GPC5: variants seen among roughly 807,000 people sequenced by gnomAD.
The protein encoded by GPC5 is glypican 5, also known as glypican-5.
In GPC5, 47 loss-of-function variants were observed where a neutral mutation model predicts 53.9. That is an observed-to-expected ratio of 0.87 (90% confidence interval 0.69 to 1.11). The LOEUF (loss-of-function observed/expected upper bound fraction) is 1.11. Ranked by LOEUF, GPC5 falls within the 50% of genes most tolerant of loss-of-function variation. GPC5 has a pLI of 0.00. For synonymous variants in GPC5, 286 were observed against 263.3 expected, an observed-to-expected ratio of 1.09 and a Z score of -0.84; for missense variants, 748 against 713.1, an observed-to-expected ratio of 1.05 and a Z score of -0.56.
intron 7 of GPC5, among the ~76,000 whole-genome samples, chr13:92,456,766 C>T (rs1170289180): frequency 1.3e-5 from 2 of 152,174 alleles, no homozygotes; most frequent in Non-Finnish European, 2.9e-5. Context: ...ATTCTCTCCT[C>T]ACCCTCACAG....
intron 7 of GPC5, among the ~76,000 whole-genome samples, chr13:92,409,547 G>A (rs568740598): frequency 6.6e-6 from 1 of 152,100 alleles, no homozygotes; most frequent in South Asian, 2.1e-4. Context: ...ATTAATATCT[G>A]TTGTGAATGA....
At chr13:92,852,852 G>C (rs1878861155) in intron 7 of GPC5, among the ~76,000 whole-genome samples, 1 of 152,150 alleles carries the variant, frequency 6.6e-6, no homozygotes, top group African/African-American at 2.4e-5. Context: ...AATATACAGA[G>C]TCACCTGGAC....
rs553061599 is a variant in GPC5 at position 92,182,724 on chromosome 13, C to T, written c.1561+37735C>T. Among the ~76,000 whole-genome samples the T allele has an allele frequency of 5.3e-5, 8 of 152,178 alleles. No individual in the cohort carries two copies. The East Asian group carries it at 1.4e-3, about 26-fold the overall frequency. ...TACTACAAATACAAAAAAAAATTAG[C>T]CGGGCGCGGTGGTGGGCGCCTGCAG... On this transcript the variant is annotated intron_variant, in intron 7 of 7. Coordinates refer to ENST00000377067, the MANE Select transcript of GPC5 (RefSeq NM_004466.6).
At chr13:92,529,944 C>T (rs187353403) in intron 7 of GPC5, among the ~76,000 whole-genome samples, 34 of 152,086 alleles carry the variant, frequency 2.2e-4, no homozygotes, top group Middle Eastern at 6.8e-3. Context: ...ATTAGCCCAG[C>T]GTGGTAGTGC....
chr13:92,276,444 A>G (rs1018603537), intron 7 of GPC5, among the ~76,000 whole-genome samples: 1 of 152,090 alleles, frequency 6.6e-6, no homozygotes. Flanking sequence ...CGAGACTATT[A>G]TTCTTTGAGG....
Position 92,483,531 on chromosome 13 carries a change from G to A in GPC5, c.1561+338542G>A, listed in dbSNP as rs145835456. On this transcript the variant is annotated intron_variant, in intron 7 of 7. Coordinates refer to ENST00000377067, the MANE Select transcript of GPC5 (RefSeq NM_004466.6). ...AGTTACTGTGGGTGAGTCAGTGAGT[G>A]GTGAGTGAATGTGAAGGCCGAGAAA... Among the ~76,000 whole-genome samples, 700 of 152,242 alleles carry A rather than the reference G, an allele frequency of 4.6e-3. 7 individuals are homozygous for A. The highest frequency in any genetic ancestry group is 0.016 in the African/African-American group (663 of 41,532).
chr13:91,625,778 C>A (rs2033982862), intron 2 of GPC5, among the ~76,000 whole-genome samples: 1 of 152,006 alleles, frequency 6.6e-6, no homozygotes, highest in Non-Finnish European at 1.5e-5. Context: ...ACTGTACATC[C>A]TTTATATATA....
chr13:92,572,879 CAAAATG>C (rs1254828983), intron 7 of GPC5, among the ~76,000 whole-genome samples: 1 of 152,102 alleles, frequency 6.6e-6, no homozygotes, highest in Non-Finnish European at 1.5e-5. Context: ...AAACAAAAAA[CAAAATG>C]GTAATTGCCT....
Position 91,423,780 on chromosome 13 carries a change from C to G in GPC5, c.163+24571C>G, listed in dbSNP as rs1594069442. Among the ~76,000 whole-genome samples, 3 of 152,100 alleles carry G rather than the reference C, an allele frequency of 2.0e-5. No individual in the cohort carries two copies. In the East Asian group the frequency reaches 5.8e-4, roughly 29 times the overall value. ...TGAGGTTAGAGATATGTTAATTAAC[C>G]TGATTTAATTATTCCACAATGTATA... On this transcript the variant is annotated intron_variant, in intron 1 of 7. Coordinates refer to ENST00000377067, the MANE Select transcript of GPC5 (RefSeq NM_004466.6).
At chr13:92,616,779 T>G (rs1012233462) in intron 7 of GPC5, among the ~76,000 whole-genome samples, 1 of 152,272 alleles carries the variant, frequency 6.6e-6, no homozygotes, top group African/African-American at 2.4e-5. Flanking sequence ...ACTTCATGTA[T>G]GAAATAATAG....
chr13:91,417,384 C>T (rs7335640), intron 1 of GPC5, among the ~76,000 whole-genome samples: 11,557 of 152,068 alleles, frequency 0.076, 1,414 homozygotes, highest in African/African-American at 0.26. Flanking sequence ...AGATGGAACT[C>T]GAGATAACAC....
At chr13:92,457,749 A>T (rs751081572) in intron 7 of GPC5, among the ~76,000 whole-genome samples, 2 of 152,086 alleles carry the variant, frequency 1.3e-5, no homozygotes, top group Non-Finnish European at 2.9e-5. Flanking sequence ...ACACTTTTTA[A>T]TATTTTTGTA....
intron 2 of GPC5, among the ~76,000 whole-genome samples, chr13:91,649,318 C>A (rs1323182992): frequency 6.6e-6 from 1 of 152,152 alleles, no homozygotes. Context: ...CTGTTCTGTA[C>A]CATCCTCTAC....
At chr13:91,514,938 G>A (rs1171845234) in intron 2 of GPC5, among the ~76,000 whole-genome samples, 1 of 152,056 alleles carries the variant, frequency 6.6e-6, no homozygotes, top group Non-Finnish European at 1.5e-5. Context: ...CTTTATATCT[G>A]CGCTATTTAA....
chr13:91,523,165 T>C (rs1256610218), intron 2 of GPC5, among the ~76,000 whole-genome samples: 1 of 152,188 alleles, frequency 6.6e-6, no homozygotes, highest in African/African-American at 2.4e-5. Flanking sequence ...GGTATGGTCA[T>C]TTTGGAAAGC....
intron 7 of GPC5, among the ~76,000 whole-genome samples, chr13:92,838,525 T>C (rs766654367): frequency 1.1e-4 from 17 of 150,738 alleles, no homozygotes; most frequent in South Asian, 2.1e-4. Context: ...AAACCTACTC[T>C]ATAGAAAATA....
At chr13:92,718,912 A>G (rs564800630) in intron 7 of GPC5, among the ~76,000 whole-genome samples, 87 of 148,294 alleles carry the variant, frequency 5.9e-4, no homozygotes, top group Middle Eastern at 3.4e-3. Context: ...AAAAAAAAAA[A>G]TTGTTAAAAA....
rs1231633740 is a variant in GPC5, at chr13:91,573,970, C to T, written c.326-119217C>T. ...TTTCTAGTTTGTCACTACATCCTGC[C>T]ACTTGGTTTATTATCTCTAGTAAAT... is the stretch of plus-strand genomic sequence containing the variant. On this transcript the variant is annotated intron_variant, in intron 2 of 7. Coordinates refer to ENST00000377067, the MANE Select transcript of GPC5 (RefSeq NM_004466.6). 4.6e-5 allele frequency among the ~76,000 whole-genome samples: 7 copies of T among 152,224 alleles called. No individual in the cohort carries two copies. The East Asian group carries it at 1.2e-3, about 25-fold the overall frequency.
chr13:91,717,591 T>C (rs907204435), intron 3 of GPC5, among the ~76,000 whole-genome samples: 2 of 152,044 alleles, frequency 1.3e-5, no homozygotes, highest in Admixed American at 6.5e-5. Flanking sequence ...AGTTTCACTC[T>C]TGTCATCCAG....
Sources: gnomAD v4.1 joint callset for allele counts (sites outside exome capture counted in the v4.1 genomes callset) on GRCh38, gnomAD v4.1.1 for gene constraint, MANE v1.5 for transcripts, NCBI Gene and HGNC (gene_info 2026-07-23, HGNC 2026-07-21) for gene names.